The following SGK1 variants were observed in gnomAD, a reference collection of about 807,000 sequenced individuals.
The protein encoded by SGK1 is serine/threonine-protein kinase Sgk1.
Under a neutral mutation model 64.2 loss-of-function variants are expected in SGK1, and 26 were observed. The observed-to-expected ratio is 0.40, with a 90% CI of 0.30 to 0.56. The LOEUF (loss-of-function observed/expected upper bound fraction) is 0.56, where lower values mean the gene tolerates loss of function less well. SGK1 is among the 20% of genes least tolerant of loss of function. SGK1 has a pLI of 0.38. For missense variants in SGK1, 519 were observed against 645.6 expected, an observed-to-expected ratio of 0.80 and a Z score of 2.12; for synonymous variants, 265 against 239.7, an observed-to-expected ratio of 1.11 and a Z score of -0.98.
chr6:134,185,646 G>T (rs983951485), intron 3 of SGK1, among the ~76,000 whole-genome samples: 3 of 151,962 alleles, frequency 2.0e-5, no homozygotes, highest in African/African-American at 7.3e-5. Context: ...GACAGAGAAA[G>T]AGATGGAGAA....
In SGK1 at chr6:134,262,378, G is replaced by A. The variant is rs535690063; in HGVS notation, c.70-230C>T. 2.6e-5 allele frequency among the ~76,000 whole-genome samples: 4 copies of A among 151,962 alleles called. No homozygotes were observed. In the South Asian group the frequency reaches 6.3e-4, roughly 24 times the overall value. On this transcript the variant is annotated intron_variant, in intron 1 of 13. Transcript: ENST00000367858. ...ATTTCATCTTGCTGAGTCTGTCTCC[G>A]CATTTTTTTTTCACATTATTTTTTT... is the stretch of plus-strand genomic sequence containing the variant.
At chr6:134,304,436 G>A (rs975003647) in intron 1 of SGK1, among the ~76,000 whole-genome samples, 22 of 152,144 alleles carry the variant, frequency 1.4e-4, no homozygotes, top group African/African-American at 3.1e-4. Flanking sequence ...AGGATCACTC[G>A]AGGTCAGGAG....
chr6:134,266,924 T>C (rs75907313), intron 1 of SGK1, among the ~76,000 whole-genome samples: 3,853 of 152,322 alleles, frequency 0.025, 163 homozygotes, highest in African/African-American at 0.087. Context: ...GTAACTGTTC[T>C]TGCTTTGTCT....
intron 1 of SGK1, among the ~76,000 whole-genome samples, chr6:134,265,627 T>TTTTATAC (rs1161807719): frequency 1.4e-5 from 2 of 138,416 alleles, no homozygotes; most frequent in African/African-American, 5.5e-5. Flanking sequence ...TACATATATA[T>TTTTATAC]ATATACATAT....
In SGK1 at chr6:134,171,939, A is replaced by G. The variant is rs146345359; in HGVS notation, c.1072-207T>C. ...CATTTAGGAAACTGCTGGGCACTTG[A>G]TATCTCTTACTTAGGGATTTAGAAA... On this transcript the variant is annotated intron_variant, in intron 10 of 13. Transcript: ENST00000367858. The G allele has an allele frequency of 4.2e-5, 26 of 621,498 alleles. No homozygotes were observed. The Admixed American group carries it at 5.5e-4, about 13-fold the overall frequency. The allele number at this position is 621,498 out of a possible 1,614,324, so 38.5% of individuals were successfully genotyped here. A position where few individuals can be genotyped will look rare whatever the true frequency, so the allele number is the denominator to read the frequency against.
chr6:134,217,445 C>T (rs1052050297), intron 2 of SGK1, among the ~76,000 whole-genome samples: 10 of 152,108 alleles, frequency 6.6e-5, no homozygotes, highest in South Asian at 4.1e-4. Flanking sequence ...TCTGACCCAC[C>T]GGACCACTAC....
At chr6:134,225,413 A>ACAGACATT (rs1388999117) in intron 2 of SGK1, among the ~76,000 whole-genome samples, 1 of 152,088 alleles carries the variant, frequency 6.6e-6, no homozygotes, top group Non-Finnish European at 1.5e-5. Flanking sequence ...CAAGGATCAA[A>ACAGACATT]CAGACATTTA....
rs1407763018 is a variant in SGK1 at position 134,169,803 on chromosome 6, C to A, written c.*465G>T. On this transcript the variant is annotated 3_prime_UTR_variant, in exon 14 of 14. Transcript: ENST00000367858. ...ATAACAAAATCCATCTGTGATCAGG[C>A]ATACCACACTCACACGACGGTTCAC... 6.5e-6 allele frequency: 1 copy of A among 152,898 alleles called. No homozygotes were observed. The highest frequency in any genetic ancestry group is 6.5e-5 in the Admixed American group (1 of 15,324). 9.5% of individuals were successfully genotyped at this position (152,898 alleles called of 1,614,324 possible).
chr6:134,276,884 A>G (rs1322746976), intron 1 of SGK1, among the ~76,000 whole-genome samples: 2 of 152,016 alleles, frequency 1.3e-5, no homozygotes, highest in Non-Finnish European at 2.9e-5. Flanking sequence ...AAACCCCAAC[A>G]CTACAAAAAA....
chr6:134,174,386 A>T, intron 4 of SGK1, 125 bp downstream of exon 4: 1 of 673,104 alleles, frequency 1.5e-6, no homozygotes, highest in Non-Finnish European at 2.5e-6. Flanking sequence ...ATTAGAATTT[A>T]AGGAGAAATG....
In SGK1 at chr6:134,297,161, A is replaced by G. The variant is rs569434231; in HGVS notation, c.69+20231T>C. On this transcript the variant is annotated intron_variant, in intron 1 of 13. Coordinates refer to ENST00000367858, the MANE Select transcript of SGK1 (RefSeq NM_001143676.3). ...GGCCCCCATAGGCTGAGCACAGACC[A>G]CCTGCATAGCCGCTGGTGGTCTTCG... is the stretch of plus-strand genomic sequence containing the variant. The G allele has an allele frequency of 2.6e-5, 17 of 642,706 alleles. No homozygotes were observed. The East Asian group carries it at 4.7e-4, about 18-fold the overall frequency. 39.8% of individuals were successfully genotyped at this position (642,706 alleles called of 1,614,324 possible).
chr6:134,192,324 G>C (rs954432368), intron 3 of SGK1, among the ~76,000 whole-genome samples: 2 of 152,094 alleles, frequency 1.3e-5, no homozygotes, highest in Admixed American at 1.3e-4. Flanking sequence ...TAAGAGGAAA[G>C]GTCAGGATTT....
At chr6:134,306,537 C>T (rs1318224966) in intron 1 of SGK1, among the ~76,000 whole-genome samples, 1 of 151,752 alleles carries the variant, frequency 6.6e-6, no homozygotes. Flanking sequence ...TTCTTTTTTC[C>T]TTTAGAGACA....
chr6:134,171,228 C>T lies in SGK1; in HGVS notation c.1168-50G>A, dbSNP rs769753666. ...AGACTTAATTGGAAGTTTCATATGG[C>T]ACACATTACCAGTAGAGAAAAAGAT... is the stretch of plus-strand genomic sequence containing the variant. On this transcript the variant is annotated intron_variant, in intron 11 of 13. Coordinates refer to ENST00000367858, the MANE Select transcript of SGK1 (RefSeq NM_001143676.3). 3.9e-6 allele frequency: 6 copies of T among 1,520,664 alleles called. No individual in the cohort carries two copies. The South Asian group carries it at 4.5e-5, about 11-fold the overall frequency. 94.2% of individuals were successfully genotyped at this position (1,520,664 alleles called of 1,614,324 possible). A position where few individuals can be genotyped will look rare whatever the true frequency, so the allele number is the denominator to read the frequency against.
At position 134,290,150 on chromosome 6, in the gene SGK1, C is replaced by CAA. The variant is rs35039086; in HGVS notation, c.69+27240_69+27241dup. Among the ~76,000 whole-genome samples, 81 of 75,878 alleles carry CAA rather than the reference C, an allele frequency of 1.1e-3. 1 individual carries two copies. The highest frequency in any genetic ancestry group is 1.3e-3 in the African/African-American group (21 of 16,676). The allele number at this position is 75,878 out of a possible 152,430, so 49.8% of individuals were successfully genotyped here. On this transcript the variant is annotated intron_variant, in intron 1 of 13. Transcript: ENST00000367858. Reference sequence around the variant, plus strand: ...GGGCAACAAGAGCAAAGCTCCTTCTCAAAAAAAAAAAAAAAAAAAAAAAAT... The same window carrying CAA: ...GGGCAACAAGAGCAAAGCTCCTTCTCAAAAAAAAAAAAAAAAAAAAAAAAAAT...
intron 3 of SGK1, among the ~76,000 whole-genome samples, chr6:134,196,061 A>G (rs551343211): frequency 6.6e-6 from 1 of 152,292 alleles, no homozygotes; most frequent in East Asian, 1.9e-4. Context: ...AGTTATAAAT[A>G]CCTTTACTGC....
chr6:134,262,771 C>T (rs1174115051), intron 1 of SGK1, among the ~76,000 whole-genome samples: 4 of 151,904 alleles, frequency 2.6e-5, no homozygotes, highest in East Asian at 1.9e-4. Flanking sequence ...CCTGGCCAGG[C>T]GAGATGGTTT....
At chr6:134,298,381 A>G in intron 1 of SGK1, 2 of 1,379,374 alleles carry the variant, frequency 1.4e-6, no homozygotes, top group Non-Finnish European at 2.1e-6. Flanking sequence ...TACCTTGCCT[A>G]TGAAGGAGGC....
At chr6:134,198,868 T>G (rs1423540012) in intron 3 of SGK1, among the ~76,000 whole-genome samples, 5 of 151,936 alleles carry the variant, frequency 3.3e-5, no homozygotes, top group Non-Finnish European at 7.4e-5. Context: ...GAGCTAATTT[T>G]TATTTATTTA....
Sources: allele counts gnomAD v4.1 joint callset (sites outside exome capture counted in the v4.1 genomes callset), GRCh38; gene constraint gnomAD v4.1.1; transcripts MANE v1.5; gene names NCBI Gene and HGNC (gene_info 2026-07-23, HGNC 2026-07-21).